Variants in USE1 observed in about 807,000 individuals in gnomAD.
USE1 encodes unconventional SNARE in the ER 1.
A neutral mutation model predicts 37.6 loss-of-function variants in USE1; 32 were observed. The observed-to-expected ratio is 0.85, with a 90% CI of 0.64 to 1.14. The LOEUF is 1.14. Ranked by LOEUF, USE1 falls within the 50% of genes most tolerant of loss-of-function variation. USE1 has a pLI of 0.00. For synonymous variants in USE1, 149 were observed against 137.6 expected (o/e 1.08, Z -0.58); for missense variants, 310 against 332.2 (o/e 0.93, Z 0.52).
In USE1 at chr19:17,219,221, C is replaced by A. The variant is rs781345842; in HGVS notation, c.431C>A (p.Ala144Glu). 1 of 1,611,756 alleles carries A rather than the reference C, an allele frequency of 6.2e-7. No individual in the cohort carries two copies. Among genetic ancestry groups the A allele is most frequent in the South Asian group, 1.1e-5 (1 of 90,986 alleles). ...EMDVRKRTGV[A>E]GSQPVSEKQL... ...CCCGTGTGTGAAATCAGTGGAGTGGCAGGGTCCCAGCCAGTGAGTGAGAAG... is the reference window on the plus strand; with the variant it reads ...CCCGTGTGTGAAATCAGTGGAGTGGAAGGGTCCCAGCCAGTGAGTGAGAAG... The change falls in exon 7 of 8, where the codon GCA becomes GAA. Residue 144 changes from alanine (A) to glutamate (E), a missense_variant. By Grantham distance (107) the Ala-to-Glu change is moderately radical. Transcript: ENST00000263897.
rs765181409 is a variant in USE1, at chr19:17,218,403, C to T, written c.422+12C>T. ...GTAAGGAAGAGAACGTGAGTGTCTG[C>T]GGCCCTGGGGCAGTAGTGGCAATTG... On this transcript the variant is annotated intron_variant, in intron 6 of 7. Coordinates refer to ENST00000263897, the MANE Select transcript of USE1 (RefSeq NM_018467.4). 9.3e-6 allele frequency: 15 copies of T among 1,613,402 alleles called. No homozygotes were observed. In the East Asian group the frequency reaches 1.8e-4, roughly 19 times the overall value.
At chr19:17,217,356 G>A (rs1401364293) in intron 4 of USE1, 97 bp from the exon 5 acceptor site, 14 of 1,404,832 alleles carry the variant, frequency 1.0e-5, no homozygotes, top group East Asian at 7.4e-5. Flanking sequence ...GGCTGGTCTC[G>A]AACTTCTGAC....
In USE1 at chr19:17,219,196, C is replaced by A. The variant is rs142121635; in HGVS notation, c.423-17C>A. 122 of 1,607,826 alleles carry A rather than the reference C, an allele frequency of 7.6e-5. No individual in the cohort carries two copies. The highest frequency in any genetic ancestry group is 1.1e-4 in the East Asian group (5 of 44,700). ...ACTCCATCTCTCATGTCCTCCTCCCCCCGTGTGTGAAATCAGTGGAGTGGC... is the reference window on the plus strand; with the variant it reads ...ACTCCATCTCTCATGTCCTCCTCCCACCGTGTGTGAAATCAGTGGAGTGGC... On this transcript the variant is annotated splice_polypyrimidine_tract_variant and intron_variant, in intron 6 of 7. Transcript: ENST00000263897.
intron 5 of USE1, chr19:17,217,841 G>A (rs1392907083): frequency 2.7e-6 from 1 of 375,062 alleles, no homozygotes; most frequent in Non-Finnish European, 5.3e-6. Flanking sequence ...GAACCCAGGA[G>A]GTGGAGGTTG....
chr19:17,216,978 CA>C lies in USE1; in HGVS notation c.385-463del, dbSNP rs112498331. 2.7e-3 allele frequency among the ~76,000 whole-genome samples: 377 copies of C among 138,358 alleles called. 2 individuals are homozygous for C. The highest frequency in any genetic ancestry group is 7.7e-3 in the African/African-American group (292 of 38,078). The allele number at this position is 138,358 out of a possible 152,430, so 90.8% of individuals were successfully genotyped here. A position where few individuals can be genotyped will look rare whatever the true frequency, so the allele number is the denominator to read the frequency against. ...GGGCAATAAGAGTGAAACTCCGTCT[CA>C]AAAAAAAAAAATATGAGTTGTCGTT... On this transcript the variant is annotated intron_variant, in intron 4 of 7. Transcript: ENST00000263897.
rs199750431 is a variant in USE1, at chr19:17,218,378, G to A, written c.409G>A (p.Val137Ile). Residue 137 changes from valine to isoleucine, a missense_variant, in exon 6 of 8, where the codon GTA (valine) becomes ATA (isoleucine). Coordinates refer to ENST00000263897, the MANE Select transcript of USE1 (RefSeq NM_018467.4). ...TTTGCTTTCAGAGCCTGAGATGGAC[G>A]TAAGGAAGAGAACGTGAGTGTCTGC... The part of the protein sequence containing the change: ...GTDSAEPEMD[V>I]RKRTGVAGSQ... The A allele has an allele frequency of 4.0e-4, 642 of 1,613,678 alleles. 1 individual carries two copies. Among genetic ancestry groups the A allele is most frequent in the Non-Finnish European group, 5.0e-4 (593 of 1,179,760 alleles).
chr19:17,216,308 A>C lies in USE1; in HGVS notation c.371A>C (p.Glu124Ala). 6.2e-7 allele frequency: 1 copy of C among 1,612,074 alleles called. No homozygotes were observed. Among genetic ancestry groups the C allele is most frequent in the Non-Finnish European group, 8.5e-7 (1 of 1,179,192 alleles). Residue 124 changes from glutamate to alanine, a missense_variant, in exon 4 of 8, where the codon GAG becomes GCG. Coordinates refer to ENST00000263897, the MANE Select transcript of USE1 (RefSeq NM_018467.4). ...RARYTSEMRS[E>A]LLGTDSAEPE... The stretch of plus-strand genomic sequence containing the variant: ...CGGTACACCAGCGAGATGCGGAGTG[A>C]GCTACTAGGCACGGTAGGGCTCCTT...
intron 6 of USE1, 122 bp from the exon 7 acceptor site, chr19:17,219,091 C>G: frequency 2.2e-6 from 3 of 1,372,180 alleles, no homozygotes; most frequent in East Asian, 5.2e-5. Context: ...CATGCCACTG[C>G]ACTCCAGCCT....
At chr19:17,219,181 T>C in intron 6 of USE1, 32 bp from the exon 7 acceptor site, 2 of 1,596,452 alleles carry the variant, frequency 1.3e-6, no homozygotes, top group Non-Finnish European at 1.7e-6. Flanking sequence ...ACTCCATCTC[T>C]CATGTCCTCC....
At position 17,219,702 on chromosome 19, in the gene USE1, G is replaced by A. The variant is rs1038784448; in HGVS notation, c.669G>A (p.Glu223=). Residue 223 remains glutamate, a synonymous_variant, in exon 8 of 8, where the codon GAG becomes GAA. Coordinates refer to ENST00000263897, the MANE Select transcript of USE1 (RefSeq NM_018467.4). ...EKLKTESERL[E]QHTQKSVNWL... is the part of the protein sequence containing the mutation. ...TGAAGACGGAGTCAGAGCGTCTGGA[G>A]CAGCACACGCAGAAGTCAGTCAACT... 1.2e-6 allele frequency: 2 copies of A among 1,613,412 alleles called. No homozygotes were observed. The highest frequency in any genetic ancestry group is 1.1e-5 in the South Asian group (1 of 91,082).
chr19:17,217,819 G>A (rs2073299825), intron 5 of USE1: 2 of 387,452 alleles, frequency 5.2e-6, no homozygotes, highest in Admixed American at 3.1e-5. Flanking sequence ...GGCTGAGGCA[G>A]GAGAATTGCT....
At chr19:17,217,951 C>T (rs949097779) in intron 5 of USE1, 40 of 351,626 alleles carry the variant, frequency 1.1e-4, no homozygotes, top group Non-Finnish European at 2.0e-4. Flanking sequence ...GGCGTGGTGA[C>T]GCACACCTGT....
Position 17,219,711 on chromosome 19 carries a change from G to T in USE1, c.678G>T (p.Thr226=), listed in dbSNP as rs533084872. ...KTESERLEQH[T]QKSVNWLLWA... Reference sequence around the variant, plus strand: ...AGTCAGAGCGTCTGGAGCAGCACACGCAGAAGTCAGTCAACTGGCTGCTCT... The same window carrying T: ...AGTCAGAGCGTCTGGAGCAGCACACTCAGAAGTCAGTCAACTGGCTGCTCT... The change falls in exon 8 of 8, where the codon ACG becomes ACT. Residue 226 remains threonine, a synonymous_variant. Transcript: ENST00000263897. 3.7e-6 allele frequency: 6 copies of T among 1,613,548 alleles called. No homozygotes were observed. The Admixed American group carries it at 6.7e-5, about 18-fold the overall frequency.
intron 4 of USE1, 40 bp downstream of exon 4, chr19:17,216,361 G>T: frequency 6.3e-7 from 1 of 1,595,596 alleles, no homozygotes; most frequent in Non-Finnish European, 8.6e-7. Flanking sequence ...CCCTTGGACA[G>T]GAATAGGGGT....
chr19:17,216,342 C>T (rs1254570300), intron 4 of USE1, 21 bp downstream of exon 4: 2 of 1,603,716 alleles, frequency 1.2e-6, no homozygotes, highest in Admixed American at 3.3e-5. Flanking sequence ...TTCCCTGGTC[C>T]CTGGGAATCC....
intron 7 of USE1, 68 bp downstream of exon 7, chr19:17,219,455 G>A: frequency 1.3e-6 from 2 of 1,486,650 alleles, no homozygotes; most frequent in South Asian, 1.3e-5. Flanking sequence ...CAGCACAGGA[G>A]CATTGTGGCT....
Position 17,219,275 on chromosome 19 carries a change from T to G in USE1, c.485T>G (p.Leu162Arg), listed in dbSNP as rs1485786640. 6.2e-7 allele frequency: 1 copy of G among 1,613,844 alleles called. No individual in the cohort carries two copies. Among genetic ancestry groups the G allele is most frequent in the Admixed American group, 1.7e-5 (1 of 59,990 alleles). The change falls in exon 7 of 8, where the codon CTG becomes CGG. Residue 162 changes from leucine to arginine, a missense_variant. Coordinates refer to ENST00000263897, the MANE Select transcript of USE1 (RefSeq NM_018467.4). ...TTGGCAGCTGAGCTAGACCTCGTCC[T>G]GCAGCGACATCAGAACCTCCAGGAA... The part of the protein sequence containing the change: ...KQLAAELDLV[L>R]QRHQNLQEKL...
At position 17,216,150 on chromosome 19, in the gene USE1, T is replaced by C. The variant is rs374996445; in HGVS notation, c.232-19T>C. ...CAGGACCTGCCCCTCCAGTGACTTA[T>C]CTTCCCACATTTCTGCAGACCTCCT... On this transcript the variant is annotated intron_variant, in intron 3 of 7. Transcript: ENST00000263897. The C allele has an allele frequency of 3.0e-5, 49 of 1,613,066 alleles. No homozygotes were observed. Among genetic ancestry groups the C allele is most frequent in the Admixed American group, 1.8e-4 (11 of 59,986 alleles).
At chr19:17,217,765 A>C in intron 5 of USE1, 2 of 443,016 alleles carry the variant, frequency 4.5e-6, no homozygotes, top group Non-Finnish European at 8.9e-6. Flanking sequence ...TACAAAACTT[A>C]GCCGGATGCA....
Sources: allele counts gnomAD v4.1 joint callset (sites outside exome capture counted in the v4.1 genomes callset), GRCh38; gene constraint gnomAD v4.1.1; transcripts MANE v1.5; gene names NCBI Gene and HGNC (gene_info 2026-07-23, HGNC 2026-07-21).